Variants in TASOR2 observed in about 807,000 individuals in gnomAD.
The protein encoded by TASOR2 is protein TASOR 2.
In TASOR2, 84 loss-of-function variants were observed where a neutral mutation model predicts 199.5. That is an observed-to-expected ratio of 0.42 (90% CI 0.35 to 0.50). The LOEUF is 0.50. Among genes scored for constraint, TASOR2 ranks in the 20% least tolerant of loss-of-function variants. TASOR2 has a pLI of 0.02. For missense variants in TASOR2, 2,796 were observed against 2,835.9 expected, an observed-to-expected ratio of 0.99 and a Z score of 0.32; for synonymous variants, 1,103 against 1,046.6, an observed-to-expected ratio of 1.05 and a Z score of -1.04.
intron 1 of TASOR2, among the ~76,000 whole-genome samples, chr10:5,688,817 A>G (rs2386622): frequency 1 from 150,855 of 151,612 alleles, 75,055 homozygotes; most frequent in Non-Finnish European, 1. Flanking sequence ...CAGCCTGGGC[A>G]ACATAGTGAG....
chr10:5,715,451 A>C (rs1482225007), intron 2 of TASOR2, among the ~76,000 whole-genome samples: 1 of 152,104 alleles, frequency 6.6e-6, no homozygotes, highest in African/African-American at 2.4e-5. Context: ...AGATTTGTCT[A>C]TTCTAGACAT....
chr10:5,762,446 A>AT, intron 19 of TASOR2, 86 bp from the exon 21 acceptor site: 1 of 381,542 alleles, frequency 2.6e-6, no homozygotes, highest in Non-Finnish European at 4.6e-6. Context: ...AGTTCCACAG[A>AT]TTTTTTAAAA....
intron 10 of TASOR2, among the ~76,000 whole-genome samples, chr10:5,728,136 G>A (rs886331112): frequency 8.6e-5 from 13 of 151,110 alleles, no homozygotes; most frequent in Admixed American, 2.6e-4. Flanking sequence ...TGGGAGGATC[G>A]CTTGAGCCCG....
In TASOR2 at chr10:5,730,938, G is replaced by T; in HGVS notation, c.939G>T (p.Glu313Asp). The T allele has an allele frequency of 1.2e-6, 2 of 1,614,162 alleles. No individual in the cohort carries two copies. Among genetic ancestry groups the T allele is most frequent in the Non-Finnish European group, 1.7e-6 (2 of 1,180,044 alleles). The change falls in exon 11 of 21, where the codon GAG (glutamate) becomes GAT (aspartate). Residue 313 changes from glutamate to aspartate, a missense_variant. This residue lies in a region of TASOR2 where 847 missense variants were observed against 887.4 expected (regional missense o/e 0.95). Coordinates refer to ENST00000328090, the Ensembl canonical transcript of TASOR2. The surrounding 1 kb of genome is among the most constrained non-coding windows in gnomAD (Gnocchi z 4.1). ...CAGATCCTGAATTTCTTGTCTCAGA[G>T]GCAGAAGTGAGAAAAGAAACTGAAA... is the stretch of plus-strand genomic sequence containing the variant.
At chr10:5,731,052 G>T (rs1462530780) in exon 11 of TASOR2, 2 of 1,613,950 alleles carry the variant, frequency 1.2e-6, no homozygotes, top group Non-Finnish European at 1.7e-6. Context: ...AGCCTAAGAG[G>T]AAGGCCAGCA....
chr10:5,694,499 A>C (rs1836902809), intron 1 of TASOR2, among the ~76,000 whole-genome samples: 1 of 152,194 alleles, frequency 6.6e-6, no homozygotes, highest in South Asian at 2.1e-4. Context: ...AAGAAAAAAT[A>C]CCAGATATTG....
intron 18 of TASOR2, chr10:5,760,810 T>C (rs1839700054): frequency 6.6e-6 from 1 of 152,176 alleles, no homozygotes; most frequent in South Asian, 2.1e-4. Flanking sequence ...GAGACGGGAG[T>C]CGAGCAGAGA....
Position 5,738,606 on chromosome 10 carries a change from C to T in TASOR2, c.1448-1012C>T, listed in dbSNP as rs887649832. ...TCCCCATGTATGTGCATGCCCTTGT[C>T]GTTCTAATTGATGACATCATAGGCT... On this transcript the variant is annotated intron_variant, in intron 12 of 20. Coordinates refer to ENST00000328090, the Ensembl canonical transcript of TASOR2. The surrounding 1 kb of genome is among the most constrained non-coding windows in gnomAD (Gnocchi z 4.7). Among the ~76,000 whole-genome samples the T allele has an allele frequency of 2.6e-5, 4 of 152,242 alleles. No homozygotes were observed. Among genetic ancestry groups the T allele is most frequent in the Admixed American group, 6.5e-5 (1 of 15,290 alleles).
At chr10:5,757,903 TC>T (rs1235999901) in intron 17 of TASOR2, among the ~76,000 whole-genome samples, 3 of 152,094 alleles carry the variant, frequency 2.0e-5, no homozygotes, top group African/African-American at 7.2e-5. Context: ...GCTTCTGAGT[TC>T]CCTCCCTCTC....
intron 2 of TASOR2, among the ~76,000 whole-genome samples, chr10:5,716,774 G>A (rs974957994): frequency 6.6e-6 from 1 of 151,838 alleles, no homozygotes; most frequent in Non-Finnish European, 1.5e-5. Flanking sequence ...AATTAGCCAG[G>A]CATGGTGGCA....
At chr10:5,714,248 C>T (rs905709318) in intron 2 of TASOR2, 41 bp downstream of exon 3, 5 of 1,180,678 alleles carry the variant, frequency 4.2e-6, no homozygotes, top group Non-Finnish European at 5.3e-6. Context: ...AAAAAATCTT[C>T]TTTTACAAGA....
chr10:5,717,900 A>G, intron 3 of TASOR2, 150 bp downstream of exon 4: 1 of 385,576 alleles, frequency 2.6e-6, no homozygotes, highest in Non-Finnish European at 4.5e-6. Flanking sequence ...CCTTTTCTTT[A>G]AAAAGAAAAC....
rs563056256 is a variant in TASOR2 at position 5,738,292 on chromosome 10, A to T, written c.1448-1326A>T. 1.1e-4 allele frequency among the ~76,000 whole-genome samples: 17 copies of T among 152,320 alleles called. No individual in the cohort carries two copies. The East Asian group carries it at 1.9e-3, about 17-fold the overall frequency. On this transcript the variant is annotated intron_variant, in intron 12 of 20. Coordinates refer to ENST00000328090, the Ensembl canonical transcript of TASOR2. The surrounding 1 kb of genome is among the most constrained non-coding windows in gnomAD (Gnocchi z 4.7). The stretch of plus-strand genomic sequence containing the variant: ...TAACACGTTAATAACTGGGTGATTT[A>T]TGTGAGACTATAATATGTTAAACTA...
intron 20 of TASOR2, 105 bp downstream of exon 21, chr10:5,762,751 ACTTC>A (rs1840082666): frequency 1.4e-6 from 1 of 717,258 alleles, no homozygotes; most frequent in East Asian, 2.7e-5. Context: ...TTGTTTACAT[ACTTC>A]ATGCTATAAA....
At position 5,721,297 on chromosome 10, in the gene TASOR2, T is replaced by A. The variant is rs1833326463; in HGVS notation, c.146+327T>A. The stretch of plus-strand genomic sequence containing the variant: ...TTAATCGTATTATTTTTATTAACAT[T>A]TGCAGTATCTGATTTTCAAATTTTA... On this transcript the variant is annotated intron_variant, in intron 6 of 20. Coordinates refer to ENST00000328090, the Ensembl canonical transcript of TASOR2. Among the ~76,000 whole-genome samples, 6 of 152,186 alleles carry A rather than the reference T, an allele frequency of 3.9e-5. No homozygotes were observed. The South Asian group carries it at 1.2e-3, about 31-fold the overall frequency.
chr10:5,711,229 A>G (rs1588672256), intron 1 of TASOR2, among the ~76,000 whole-genome samples: 2 of 152,266 alleles, frequency 1.3e-5, no homozygotes, highest in Non-Finnish European at 1.5e-5. Context: ...TATTAGGACA[A>G]TTTAGTCTAA....
At position 5,719,375 on chromosome 10, in the gene TASOR2, G is replaced by T. The variant is rs1833070162; in HGVS notation, c.-99-1169G>T. 6.6e-6 allele frequency among the ~76,000 whole-genome samples: 1 copy of T among 151,912 alleles called. No homozygotes were observed. The highest frequency in any genetic ancestry group is 2.4e-5 in the African/African-American group (1 of 41,364). Reference sequence around the variant, plus strand: ...TGTTTGTTTTTTGAGACAGAGTCTTGCTCTGTTGCCAGGCTGGAGTGTAGT... The same window carrying T: ...TGTTTGTTTTTTGAGACAGAGTCTTTCTCTGTTGCCAGGCTGGAGTGTAGT... On this transcript the variant is annotated intron_variant, in intron 3 of 20. Transcript: ENST00000328090. This position sits in a 1 kb window ranked among gnomAD's most constrained non-coding sequence, Gnocchi z 4.1.
rs1366931932 is a variant in TASOR2, at chr10:5,724,648, GATAGAT to G, written c.351+131_351+136del. Reference sequence around the variant, plus strand: ...ATATATATATATAGATAGATAGATAGATAGATATAGATATAGATATATAGATATAGA... The same window carrying G: ...ATATATATATATAGATAGATAGATAGATAGATATAGATATATAGATATAGA... On this transcript the variant is annotated intron_variant, in intron 8 of 20. Transcript: ENST00000328090. 6.4e-3 allele frequency: 1,193 copies of G among 187,434 alleles called. 7 individuals are homozygous for G. The highest frequency in any genetic ancestry group is 0.04 in the East Asian group (264 of 6,654). The allele number at this position is 187,434 out of a possible 1,614,324, so 11.6% of individuals were successfully genotyped here.
chr10:5,715,552 T>C (rs1832516328), intron 2 of TASOR2, among the ~76,000 whole-genome samples: 2 of 152,222 alleles, frequency 1.3e-5, no homozygotes, highest in African/African-American at 4.8e-5. Flanking sequence ...GAACCAGTAG[T>C]ACTTCATTCC....
Sources: allele counts gnomAD v4.1 joint callset (sites outside exome capture counted in the v4.1 genomes callset), GRCh38; gene constraint gnomAD v4.1.1; regional missense constraint gnomAD v4.1.1; non-coding constraint Gnocchi (gnomAD v3.1); transcripts MANE v1.5; gene names NCBI Gene and HGNC (gene_info 2026-07-23, HGNC 2026-07-21).